The following TMEM184B variants were observed in gnomAD, a reference collection of about 807,000 sequenced individuals.
The protein encoded by TMEM184B is transmembrane protein 184B.
Under a neutral mutation model 41.8 loss-of-function variants are expected in TMEM184B, and 17 were observed. The ratio of observed to expected loss-of-function variants is 0.41; its 90% CI spans 0.28 to 0.61. The LOEUF is 0.61. Among genes scored for constraint, TMEM184B ranks in the 20% least tolerant of loss-of-function variants. The probability of loss-of-function intolerance (pLI) is 0.34; values close to 1 mark genes in which losing one functional copy is unlikely to be tolerated. For missense variants in TMEM184B, 393 were observed against 557.8 expected (o/e 0.70, Z 2.98); for synonymous variants, 240 against 229.5 (o/e 1.05, Z -0.41).
At chr22:38,254,172 G>A (rs1202078014) in intron 1 of TMEM184B, among the ~76,000 whole-genome samples, 3 of 136,376 alleles carry the variant, frequency 2.2e-5, no homozygotes, top group Non-Finnish European at 4.6e-5. Context: ...TTGCACTCCC[G>A]CCCTTAGGGG....
intron 1 of TMEM184B, among the ~76,000 whole-genome samples, chr22:38,248,450 G>A (rs1465315045): frequency 6.6e-6 from 1 of 152,188 alleles, no homozygotes; most frequent in Non-Finnish European, 1.5e-5. Flanking sequence ...TATTAAGCCT[G>A]CTTCTGCCAC....
chr22:38,240,732 C>CAAAAAAAAAAAAAAAAAAAAAAAAAA (rs550793359), intron 3 of TMEM184B, among the ~76,000 whole-genome samples: 1 of 66,570 alleles, frequency 1.5e-5, no homozygotes. Flanking sequence ...GAAAAAAAGG[C>CAAAAAAAAAAAAAAAAAAAAAAAAAA]AAAAAAAAAA....
Position 38,221,364 on chromosome 22 carries a change from C to T in TMEM184B, c.*105G>A, listed in dbSNP as rs530739047. On this transcript the variant is annotated 3_prime_UTR_variant, in exon 9 of 9. Coordinates refer to ENST00000361906, the MANE Select transcript of TMEM184B (RefSeq NM_012264.5). ...TTTCTGGTCCAATAAATAAAGGCGG[C>T]GTGAGCACTGTGCCAGCTGCCTCCT... 1.4e-4 allele frequency: 211 copies of T among 1,488,360 alleles called. 2 individuals carry two copies. Among genetic ancestry groups the T allele is most frequent in the Middle Eastern group, 1.3e-3 (7 of 5,556 alleles). 92.2% of individuals were successfully genotyped at this position (1,488,360 alleles called of 1,614,324 possible).
intron 1 of TMEM184B, among the ~76,000 whole-genome samples, chr22:38,271,083 A>G (rs543553553): frequency 6.6e-6 from 1 of 152,200 alleles, no homozygotes. Context: ...CAAATAAGAC[A>G]TCCAGAATCC....
At chr22:38,260,362 G>T (rs1192198911) in intron 1 of TMEM184B, among the ~76,000 whole-genome samples, 2 of 152,136 alleles carry the variant, frequency 1.3e-5, no homozygotes, top group Non-Finnish European at 2.9e-5. Context: ...GACCTAATTT[G>T]TGTTTTAAGT....
At chr22:38,248,113 T>C (rs539567387) in intron 1 of TMEM184B, 94 bp from the exon 2 acceptor site, 16 of 1,424,498 alleles carry the variant, frequency 1.1e-5, no homozygotes, top group South Asian at 1.5e-5. Context: ...CTCCTGACCA[T>C]GTCTGTATTG....
intron 3 of TMEM184B, among the ~76,000 whole-genome samples, chr22:38,232,614 G>A (rs1056109568): frequency 3.3e-5 from 5 of 152,196 alleles, no homozygotes; most frequent in African/African-American, 4.8e-5. Flanking sequence ...AGAACAGGTC[G>A]AGGGAGCCAC....
Position 38,225,643 on chromosome 22 carries a change from G to A in TMEM184B, c.618-50C>T. ...GCTGGGACAGACCCTTGGAGGGAAGGGGCTCTCCTCGACTGCACCACACAC... is the reference window on the plus strand; with the variant it reads ...GCTGGGACAGACCCTTGGAGGGAAGAGGCTCTCCTCGACTGCACCACACAC... On this transcript the variant is annotated intron_variant, in intron 6 of 8. Transcript: ENST00000361906. The surrounding 1 kb of genome is among the most constrained non-coding windows in gnomAD (Gnocchi z 4.4). 6.4e-7 allele frequency: 1 copy of A among 1,558,238 alleles called. No individual in the cohort carries two copies. Among genetic ancestry groups the A allele is most frequent in the Non-Finnish European group, 8.6e-7 (1 of 1,158,152 alleles).
chr22:38,238,073 T>C (rs2145639227), intron 3 of TMEM184B, among the ~76,000 whole-genome samples: 1 of 152,112 alleles, frequency 6.6e-6, no homozygotes, highest in Middle Eastern at 3.4e-3. Flanking sequence ...GTGCTGGGAT[T>C]ACAGGTGTGA....
intron 1 of TMEM184B, among the ~76,000 whole-genome samples, chr22:38,270,958 G>A (rs970623593): frequency 6.6e-6 from 1 of 152,196 alleles, no homozygotes; most frequent in Non-Finnish European, 1.5e-5. Context: ...CGGCCAATAG[G>A]AAAGAACTAG....
rs2091391024 is a variant in TMEM184B, at chr22:38,225,072, C to G, written c.788-93G>C. 1.1e-5 allele frequency: 15 copies of G among 1,378,362 alleles called. No individual in the cohort carries two copies. The South Asian group carries it at 1.4e-4, about 13-fold the overall frequency. 85.4% of individuals were successfully genotyped at this position (1,378,362 alleles called of 1,614,324 possible). ...GCCCCATTCAGCTGCCCACATGCCC[C>G]AGTGAGGATGTGAGCAGGGCCACAG... On this transcript the variant is annotated intron_variant, in intron 7 of 8. Transcript: ENST00000361906. This position sits in a 1 kb window ranked among gnomAD's most constrained non-coding sequence, Gnocchi z 4.4.
chr22:38,253,183 G>A (rs991924881), intron 1 of TMEM184B, among the ~76,000 whole-genome samples: 6 of 152,134 alleles, frequency 3.9e-5, no homozygotes, highest in Non-Finnish European at 5.9e-5. Flanking sequence ...AATGGGAGCC[G>A]CGGTGGCTCA....
intron 1 of TMEM184B, among the ~76,000 whole-genome samples, chr22:38,257,409 G>A (rs941777647): frequency 1.3e-5 from 2 of 152,114 alleles, no homozygotes; most frequent in Non-Finnish European, 2.9e-5. Flanking sequence ...TGAGTAACCC[G>A]ATTTAGAAAG....
chr22:38,249,451 A>G (rs1035642160), intron 1 of TMEM184B, among the ~76,000 whole-genome samples: 1 of 152,136 alleles, frequency 6.6e-6, no homozygotes, highest in African/African-American at 2.4e-5. Flanking sequence ...TGCCTGGCCT[A>G]TCTACTGATT....
downstream of TMEM184B, chr22:38,219,259 G>A: frequency 3.0e-6 from 3 of 985,472 alleles, no homozygotes; most frequent in Non-Finnish European, 3.6e-6. Flanking sequence ...CAGGGGGCAG[G>A]GAGGAGGAAG....
At position 38,268,285 on chromosome 22, in the gene TMEM184B, G is replaced by C. The variant is rs569527423; in HGVS notation, c.-59+4599C>G. On this transcript the variant is annotated intron_variant, in intron 1 of 8. Transcript: ENST00000361906. ...AATCCCCGCTACTTGGGAGGCTGAG[G>C]CACGAGAATCACCCAGGAGGCGGAG... Among the ~76,000 whole-genome samples, 11 of 151,228 alleles carry C rather than the reference G, an allele frequency of 7.3e-5. No individual in the cohort carries two copies. In the East Asian group the frequency reaches 2.1e-3, roughly 29 times the overall value.
intron 1 of TMEM184B, among the ~76,000 whole-genome samples, chr22:38,255,883 G>C (rs956184931): frequency 1.3e-5 from 2 of 152,208 alleles, no homozygotes; most frequent in Admixed American, 1.3e-4. Context: ...ACGATGATGG[G>C]TGGGGGTGTG....
At position 38,226,977 on chromosome 22, in the gene TMEM184B, T is replaced by C. The variant is rs115691925; in HGVS notation, c.526-107A>G. The stretch of plus-strand genomic sequence containing the variant: ...GTACCGGATGGAGGGACAGAGAGGA[T>C]GAAGGAGACGGAGAGGACGGAGGGA... On this transcript the variant is annotated intron_variant, in intron 5 of 8. Coordinates refer to ENST00000361906, the MANE Select transcript of TMEM184B (RefSeq NM_012264.5). The surrounding 1 kb of genome is among the most constrained non-coding windows in gnomAD (Gnocchi z 4.6). 4,267 of 1,166,250 alleles carry C rather than the reference T, an allele frequency of 3.7e-3. 114 individuals are homozygous for C. In the African/African-American group the frequency reaches 0.056, roughly 15 times the overall value. 72.2% of individuals were successfully genotyped at this position (1,166,250 alleles called of 1,614,324 possible).
intron 2 of TMEM184B, chr22:38,246,810 G>A: frequency 1.6e-6 from 2 of 1,284,152 alleles, no homozygotes; most frequent in Non-Finnish European, 2.0e-6. Flanking sequence ...CTCTACCACA[G>A]TCCTCAGTCC....
Sources: gnomAD v4.1 joint callset for allele counts (sites outside exome capture counted in the v4.1 genomes callset) on GRCh38, gnomAD v4.1.1 for gene constraint, Gnocchi (gnomAD v3.1) non-coding constraint, MANE v1.5 for transcripts, NCBI Gene and HGNC (gene_info 2026-07-23, HGNC 2026-07-21) for gene names.